Variants in ANKFN1 observed in about 807,000 individuals in gnomAD.
The protein encoded by ANKFN1 is ankyrin repeat and fibronectin type III domain containing 1, also known as ankyrin repeat and fibronectin type-III domain-containing protein 1.
ANKFN1 carries 74 observed loss-of-function variants against 108.7 expected under a neutral mutation model. The observed-to-expected ratio is 0.68, with a 90% CI of 0.56 to 0.83. The LOEUF is 0.83. Ranked by LOEUF, ANKFN1 falls within the 40% of genes least tolerant of loss-of-function variation. ANKFN1 has a pLI of 0.00. For missense variants in ANKFN1, 1,505 were observed against 1,382.3 expected, an observed-to-expected ratio of 1.09 and a Z score of -1.41; for synonymous variants, 547 against 516.2, an observed-to-expected ratio of 1.06 and a Z score of -0.81.
At chr17:56,495,282 A>G (rs1182287692) in intron 19 of ANKFN1, among the ~76,000 whole-genome samples, 3 of 151,696 alleles carry the variant, frequency 2.0e-5, no homozygotes, top group Admixed American at 6.6e-5. Context: ...AGACAATTCA[A>G]TATCATCTCT....
intron 17 of ANKFN1, among the ~76,000 whole-genome samples, 161 bp from the exon 18 acceptor site, chr17:56,482,195 T>C (rs1034388859): frequency 1.3e-5 from 2 of 152,230 alleles, no homozygotes; most frequent in Non-Finnish European, 2.9e-5. Flanking sequence ...TGATTTTATA[T>C]AGCATTATTA....
intron 4 of ANKFN1, among the ~76,000 whole-genome samples, chr17:56,058,097 T>C (rs1904912047): frequency 6.6e-6 from 1 of 152,224 alleles, no homozygotes; most frequent in Non-Finnish European, 1.5e-5. Context: ...AGATTTAGCA[T>C]AATTTTTAAA....
chr17:56,331,275 C>T (rs1662158700), intron 4 of ANKFN1, among the ~76,000 whole-genome samples: 1 of 152,172 alleles, frequency 6.6e-6, no homozygotes, highest in Non-Finnish European at 1.5e-5. Flanking sequence ...GGATTATACC[C>T]ATACCTGAAC....
intron 3 of ANKFN1, among the ~76,000 whole-genome samples, chr17:56,232,107 A>G (rs1036607701): frequency 1.3e-5 from 2 of 152,154 alleles, no homozygotes; most frequent in African/African-American, 2.4e-5. Context: ...CAACCCTCCA[A>G]ATATTTTGGA....
chr17:56,476,218 C>G (rs1176420596), intron 15 of ANKFN1, among the ~76,000 whole-genome samples: 1 of 152,150 alleles, frequency 6.6e-6, no homozygotes, highest in Non-Finnish European at 1.5e-5. Context: ...TAATAAGTTA[C>G]CTGACTCGTC....
chr17:56,049,291 A>G (rs1904733352), intron 4 of ANKFN1, among the ~76,000 whole-genome samples: 1 of 152,252 alleles, frequency 6.6e-6, no homozygotes, highest in Non-Finnish European at 1.5e-5. Flanking sequence ...GCAACCACAC[A>G]GCAGCTCAGC....
At position 56,503,098 on chromosome 17, in the gene ANKFN1, T is replaced by C. The variant is rs144735530; in HGVS notation, c.2644+4000T>C. On this transcript the variant is annotated intron_variant, in intron 20 of 20. Coordinates refer to ENST00000682825, the MANE Select transcript of ANKFN1 (RefSeq NM_001370326.1). ...GGTATTTTGGTGTTTTCTCTCCCGCTCCTTTTCTGTGGATATAGTGGTCAC... is the reference window on the plus strand; with the variant it reads ...GGTATTTTGGTGTTTTCTCTCCCGCCCCTTTTCTGTGGATATAGTGGTCAC... 2.0e-5 allele frequency among the ~76,000 whole-genome samples: 3 copies of C among 151,264 alleles called. No individual in the cohort carries two copies. The East Asian group carries it at 5.9e-4, about 30-fold the overall frequency.
At chr17:56,120,680 T>A (rs770522058) in intron 4 of ANKFN1, among the ~76,000 whole-genome samples, 1 of 152,110 alleles carries the variant, frequency 6.6e-6, no homozygotes, top group Non-Finnish European at 1.5e-5. Context: ...CTTCCTAGAA[T>A]GCACTAATTG....
intron 4 of ANKFN1, among the ~76,000 whole-genome samples, chr17:56,091,501 A>G (rs907416682): frequency 4.0e-5 from 6 of 150,656 alleles, no homozygotes; most frequent in Non-Finnish European, 8.9e-5. Flanking sequence ...GCAACATTTG[A>G]CATAGGAATA....
chr17:56,478,080 G>T (rs999330134), intron 16 of ANKFN1, among the ~76,000 whole-genome samples: 3 of 152,180 alleles, frequency 2.0e-5, no homozygotes, highest in African/African-American at 7.2e-5. Context: ...ATTTGCCTCA[G>T]CCTCCCAAAG....
chr17:56,081,884 A>T (rs1842172226), intron 4 of ANKFN1, among the ~76,000 whole-genome samples: 1 of 152,304 alleles, frequency 6.6e-6, no homozygotes, highest in Non-Finnish European at 1.5e-5. Context: ...TACCAGTTAA[A>T]TTCTGCCATT....
chr17:56,293,779 A>G (rs1419177998), intron 3 of ANKFN1, among the ~76,000 whole-genome samples: 1 of 152,346 alleles, frequency 6.6e-6, no homozygotes, highest in South Asian at 2.1e-4. Context: ...TATTCGCTAC[A>G]TGAATGACTA....
intron 2 of ANKFN1, among the ~76,000 whole-genome samples, chr17:56,217,716 C>A (rs16956894): frequency 0.036 from 5,477 of 151,282 alleles, 342 homozygotes; most frequent in African/African-American, 0.13. Flanking sequence ...TTCATCTCCC[C>A]TTCAAAGGCA....
At chr17:56,049,909 T>G (rs991395668) in intron 4 of ANKFN1, among the ~76,000 whole-genome samples, 5 of 152,072 alleles carry the variant, frequency 3.3e-5, no homozygotes, top group African/African-American at 1.2e-4. Flanking sequence ...ATATACCCAG[T>G]AATGGGATGG....
intron 3 of ANKFN1, among the ~76,000 whole-genome samples, chr17:56,259,432 A>G (rs2043445605): frequency 1.3e-5 from 2 of 152,232 alleles, no homozygotes; most frequent in Admixed American, 6.5e-5. Context: ...TTTGGTAAGT[A>G]CTACTAGGGC....
intron 6 of ANKFN1, among the ~76,000 whole-genome samples, chr17:56,359,014 A>G (rs975257146): frequency 4.6e-5 from 7 of 152,214 alleles, no homozygotes; most frequent in African/African-American, 7.2e-5. Flanking sequence ...CATAGATAGT[A>G]ATCATAAAGA....
At chr17:56,194,642 C>T (rs1913331016) in intron 1 of ANKFN1, among the ~76,000 whole-genome samples, 1 of 152,148 alleles carries the variant, frequency 6.6e-6, no homozygotes, top group African/African-American at 2.4e-5. Flanking sequence ...GGTAGTAATA[C>T]TCTGTATGAT....
At position 56,090,761 on chromosome 17, in the gene ANKFN1, C is replaced by T. The variant is rs560075344; in HGVS notation, c.288+44436C>T. Among the ~76,000 whole-genome samples, 5 of 150,914 alleles carry T rather than the reference C, an allele frequency of 3.3e-5. No individual in the cohort carries two copies. In the South Asian group the frequency reaches 8.4e-4, roughly 25 times the overall value. On this transcript the variant is annotated intron_variant, in intron 4 of 12. Coordinates refer to the ANKFN1 transcript ENST00000635860. ...AGCTGCAACTACAGGCACGCACCTC[C>T]ACATCTGGCTAATTTTAAAAAAATT...
intron 1 of ANKFN1, among the ~76,000 whole-genome samples, chr17:56,182,747 G>A (rs1355792489): frequency 6.6e-6 from 1 of 152,206 alleles, no homozygotes; most frequent in South Asian, 2.1e-4. Flanking sequence ...TCTATTGAAA[G>A]AAGATGCCAT....
Sources: allele counts gnomAD v4.1 joint callset (sites outside exome capture counted in the v4.1 genomes callset), GRCh38; gene constraint gnomAD v4.1.1; transcripts MANE v1.5; gene names NCBI Gene and HGNC (gene_info 2026-07-23, HGNC 2026-07-21).